The following CEP85L variants were observed in gnomAD, a reference collection of about 807,000 sequenced individuals.
The protein encoded by CEP85L is centrosomal protein 85L, also known as centrosomal protein of 85 kDa-like.
CEP85L carries 60 observed loss-of-function variants against 100.3 expected under a neutral mutation model. That is an observed-to-expected ratio of 0.60 (90% confidence interval 0.49 to 0.74). CEP85L has a LOEUF of 0.74. Among genes scored for constraint, CEP85L ranks in the 30% least tolerant of loss-of-function variants. The pLI, the probability that CEP85L is intolerant of heterozygous loss-of-function variation, is 0.00. For missense variants in CEP85L, 973 were observed against 936.2 expected (o/e 1.04, Z -0.51); for synonymous variants, 319 against 322.7 (o/e 0.99, Z 0.12).
intron 1 of CEP85L, among the ~76,000 whole-genome samples, chr6:118,659,772 G>A (rs185910678): frequency 9.2e-5 from 14 of 152,334 alleles, no homozygotes; most frequent in South Asian, 2.1e-4. Flanking sequence ...TTCAGATCAC[G>A]GCAGGCTTAG....
Position 118,586,153 on chromosome 6 carries a change from T to C in CEP85L, c.233-19837A>G, listed in dbSNP as rs779056778. 3.5e-4 allele frequency among the ~76,000 whole-genome samples: 53 copies of C among 152,152 alleles called. 1 individual carries two copies. The highest frequency in any genetic ancestry group is 8.5e-4 in the Admixed American group (13 of 15,282). ...CCTCAGGAAAGGTAGAGAAAACTAA[T>C]GATATTACCAAGAGACACACCAGAA... On this transcript the variant is annotated intron_variant, in intron 2 of 12. Coordinates refer to ENST00000368491, the MANE Select transcript of CEP85L (RefSeq NM_001042475.3).
intron 5 of CEP85L, chr6:118,502,241 ACT>A (rs2114669692): frequency 3.2e-6 from 2 of 617,612 alleles, no homozygotes; most frequent in Non-Finnish European, 5.9e-6. Flanking sequence ...CCGCATTATG[ACT>A]CCACATTTAT....
intron 3 of CEP85L, among the ~76,000 whole-genome samples, chr6:118,539,018 T>C (rs1777758507): frequency 6.6e-6 from 1 of 152,130 alleles, no homozygotes; most frequent in Non-Finnish European, 1.5e-5. Flanking sequence ...TGGCTCTATT[T>C]TGGATCTTGC....
chr6:118,544,586 T>A (rs897198561), intron 3 of CEP85L, among the ~76,000 whole-genome samples: 103 of 152,344 alleles, frequency 6.8e-4, no homozygotes, highest in African/African-American at 2.4e-3. Context: ...TAGACCTATA[T>A]GAGTCCTTTT....
At chr6:118,561,827 T>C (rs947551493) in intron 3 of CEP85L, among the ~76,000 whole-genome samples, 3 of 152,064 alleles carry the variant, frequency 2.0e-5, no homozygotes, top group Admixed American at 1.3e-4. Flanking sequence ...TAAAACAAAA[T>C]CAAGACGCCC....
At chr6:118,617,310 T>C (rs1034382028) in intron 2 of CEP85L, among the ~76,000 whole-genome samples, 13 of 152,154 alleles carry the variant, frequency 8.5e-5, no homozygotes, top group African/African-American at 2.9e-4. Flanking sequence ...AGGTGTAAGT[T>C]TTCCTGTGTG....
In CEP85L at chr6:118,508,553, A is replaced by T. The variant is rs188229279; in HGVS notation, c.1257+2745T>A. ...AAAGTTTGGATTTTAGAATAAAGAC[A>T]TGGTTCTCATTCTCTACCTATGAGA... On this transcript the variant is annotated intron_variant, in intron 5 of 12. Coordinates refer to ENST00000368491, the MANE Select transcript of CEP85L (RefSeq NM_001042475.3). Among the ~76,000 whole-genome samples the T allele has an allele frequency of 1.9e-3, 289 of 152,228 alleles. 1 individual carries two copies. The highest frequency in any genetic ancestry group is 3.0e-3 in the Non-Finnish European group (202 of 67,966).
intron 1 of CEP85L, among the ~76,000 whole-genome samples, chr6:118,636,170 A>T (rs553626503): frequency 6.6e-6 from 1 of 152,374 alleles, no homozygotes; most frequent in Admixed American, 6.5e-5. Flanking sequence ...CCTGGGGGCC[A>T]GTTTGCAGAC....
chr6:118,492,392 T>A (rs953412279), intron 5 of CEP85L, among the ~76,000 whole-genome samples: 6 of 152,134 alleles, frequency 3.9e-5, no homozygotes, highest in Non-Finnish European at 5.9e-5. Flanking sequence ...CATCTCAAAG[T>A]GTCCATCTTA....
intron 2 of CEP85L, among the ~76,000 whole-genome samples, chr6:118,590,044 T>TACACACAC (rs58587419): frequency 6.7e-6 from 1 of 150,214 alleles, no homozygotes; most frequent in African/African-American, 2.5e-5. Flanking sequence ...TCTCTGCATT[T>TACACACAC]ACACACACAC....
At chr6:118,646,312 T>C (rs1465738422) in intron 1 of CEP85L, among the ~76,000 whole-genome samples, 3 of 152,244 alleles carry the variant, frequency 2.0e-5, no homozygotes, top group Non-Finnish European at 4.4e-5. Flanking sequence ...TCTTAGAATA[T>C]TACTTTGCCA....
At chr6:118,491,485 C>T (rs949790864) in intron 6 of CEP85L, 31 of 1,329,068 alleles carry the variant, frequency 2.3e-5, no homozygotes, top group African/African-American at 1.1e-4. Context: ...GAAAGATATA[C>T]AAGAGCATTT....
intron 1 of CEP85L, among the ~76,000 whole-genome samples, chr6:118,641,825 A>T (rs1774894984): frequency 1.3e-5 from 1 of 79,288 alleles, no homozygotes; most frequent in Non-Finnish European, 3.1e-5. Context: ...TCCTTTTGCA[A>T]GAGAAAAAAA....
At chr6:118,534,863 T>C (rs1043607057) in intron 3 of CEP85L, among the ~76,000 whole-genome samples, 13 of 151,642 alleles carry the variant, frequency 8.6e-5, no homozygotes, top group African/African-American at 2.9e-4. Context: ...CTACTAAAAA[T>C]ATAAAAATTA....
chr6:118,552,207 T>C (rs1778588218), intron 3 of CEP85L, among the ~76,000 whole-genome samples: 1 of 151,736 alleles, frequency 6.6e-6, no homozygotes, highest in Admixed American at 6.6e-5. Context: ...ATAAACAAAA[T>C]TAAAAGGAGA....
chr6:118,525,593 T>C (rs1776919046), intron 3 of CEP85L, among the ~76,000 whole-genome samples: 2 of 152,168 alleles, frequency 1.3e-5, no homozygotes, highest in African/African-American at 4.8e-5. Context: ...ATGACACATC[T>C]ACAAGACAAG....
chr6:118,546,944 T>C (rs1048601427), intron 3 of CEP85L, among the ~76,000 whole-genome samples: 4 of 152,176 alleles, frequency 2.6e-5, no homozygotes, highest in Admixed American at 2.6e-4. Flanking sequence ...CAGTTAGTTT[T>C]AAGCTGACTC....
chr6:118,565,405 T>C, intron 3 of CEP85L, 124 bp downstream of exon 3: 1 of 939,774 alleles, frequency 1.1e-6, no homozygotes. Flanking sequence ...TTTCTGCCTA[T>C]TAACTTGCAG....
intron 1 of CEP85L, among the ~76,000 whole-genome samples, chr6:118,634,360 A>C (rs1441423472): frequency 1.3e-5 from 2 of 152,208 alleles, no homozygotes; most frequent in Non-Finnish European, 2.9e-5. Flanking sequence ...TATCATACTA[A>C]GCTCAACATT....
Sources: gnomAD v4.1 joint callset for allele counts (sites outside exome capture counted in the v4.1 genomes callset) on GRCh38, gnomAD v4.1.1 for gene constraint, MANE v1.5 for transcripts, NCBI Gene and HGNC (gene_info 2026-07-23, HGNC 2026-07-21) for gene names.